The following RBBP8 variants were observed in gnomAD, a reference collection of about 807,000 sequenced individuals.
RBBP8 encodes RB binding protein 8, endonuclease, also known as DNA endonuclease RBBP8.
A neutral mutation model predicts 108.3 loss-of-function variants in RBBP8; 88 were observed. The observed-to-expected ratio is 0.81, with a 90% CI of 0.68 to 0.97. The LOEUF is 0.97. Among genes scored for constraint, RBBP8 ranks in the 50% least tolerant of loss-of-function variants. RBBP8 has a pLI of 0.00. For synonymous variants in RBBP8, 332 were observed against 348.2 expected, an observed-to-expected ratio of 0.95 and a Z score of 0.52; for missense variants, 1,023 against 1,049.0, an observed-to-expected ratio of 0.98 and a Z score of 0.34.
At chr18:22,949,240 G>A (rs1298633991) in intron 3 of RBBP8, among the ~76,000 whole-genome samples, 1 of 152,094 alleles carries the variant, frequency 6.6e-6, no homozygotes, top group Non-Finnish European at 1.5e-5. Context: ...TTAAAAGCAA[G>A]ACCAGGTAAA....
rs901794189 is a variant in RBBP8 at position 22,993,347 on chromosome 18, A to G, written c.1520A>G (p.Gln507Arg). 42 of 1,614,144 alleles carry G rather than the reference A, an allele frequency of 2.6e-5. No homozygotes were observed. The highest frequency in any genetic ancestry group is 3.1e-5 in the Non-Finnish European group (36 of 1,180,048). Residue 507 changes from glutamine to arginine, a missense_variant, in exon 11 of 19, where the codon CAA (glutamine) becomes CGA (arginine). Coordinates refer to ENST00000327155, the MANE Select transcript of RBBP8 (RefSeq NM_002894.3). ...GCTATTCAGCGTCAAGAGAAAAGCCAAGGAAGTGAGACTTCTAAAAACAAA... is the reference window on the plus strand; with the variant it reads ...GCTATTCAGCGTCAAGAGAAAAGCCGAGGAAGTGAGACTTCTAAAAACAAA... ...FSAIQRQEKS[Q>R]GSETSKNKFR...
chr18:22,959,467 A>G (rs1912880170), intron 4 of RBBP8, among the ~76,000 whole-genome samples: 1 of 152,018 alleles, frequency 6.6e-6, no homozygotes. Flanking sequence ...CTGTTAACCT[A>G]AAAACTAGCA....
chr18:22,951,407 A>G (rs1912023382), intron 4 of RBBP8, among the ~76,000 whole-genome samples: 1 of 152,246 alleles, frequency 6.6e-6, no homozygotes, highest in African/African-American at 2.4e-5. Flanking sequence ...TTCAGATTAT[A>G]AATGCTATGA....
At position 22,941,239 on chromosome 18, in the gene RBBP8, G is replaced by A. The variant is rs997224241; in HGVS notation, c.109+4279G>A. ...CAGGCTGGAGTGCAGTGGCATGATC[G>A]CAGCTCACTGCAACCTCTGCCTCCC... On this transcript the variant is annotated intron_variant, in intron 2 of 18. Coordinates refer to ENST00000327155, the MANE Select transcript of RBBP8 (RefSeq NM_002894.3). Among the ~76,000 whole-genome samples, 8 of 151,846 alleles carry A rather than the reference G, an allele frequency of 5.3e-5. No individual in the cohort carries two copies. In the East Asian group the frequency reaches 1.4e-3, roughly 26 times the overall value.
intron 16 of RBBP8, among the ~76,000 whole-genome samples, chr18:23,011,341 C>T (rs1452651505): frequency 2.6e-5 from 4 of 152,042 alleles, no homozygotes; most frequent in Non-Finnish European, 4.4e-5. Flanking sequence ...GTGCTTACTT[C>T]ATGTTTCTGT....
chr18:23,006,460 A>G (rs755377394), intron 16 of RBBP8, 28 bp downstream of exon 16: 1 of 1,513,830 alleles, frequency 6.6e-7, no homozygotes, highest in East Asian at 2.3e-5. Context: ...TATACCAGCA[A>G]TGTGACTGGA....
At chr18:22,992,461 G>T (rs1234771750) in intron 10 of RBBP8, among the ~76,000 whole-genome samples, 1 of 152,194 alleles carries the variant, frequency 6.6e-6, no homozygotes, top group Admixed American at 6.5e-5. Context: ...CTCCCAAAGT[G>T]CTGGGATTAC....
At chr18:22,938,803 G>A (rs999453684) in intron 2 of RBBP8, among the ~76,000 whole-genome samples, 4 of 152,158 alleles carry the variant, frequency 2.6e-5, no homozygotes. Flanking sequence ...CCGTAGCACT[G>A]AAATACAAAA....
At chr18:22,994,717 TTTA>T (rs548679146) in intron 12 of RBBP8, among the ~76,000 whole-genome samples, 17 of 150,806 alleles carry the variant, frequency 1.1e-4, no homozygotes, top group Middle Eastern at 3.4e-3. Context: ...TTTGCTATAT[TTTA>T]TTATTATTAT....
At chr18:22,985,093 C>T (rs1915227626) in intron 8 of RBBP8, 103 bp downstream of exon 8, 1 of 1,486,158 alleles carries the variant, frequency 6.7e-7, no homozygotes, top group South Asian at 1.3e-5. Context: ...AGGTATTTTC[C>T]ATATAATTTT....
At chr18:22,929,603 A>G (rs1351593392), upstream of RBBP8, among the ~76,000 whole-genome samples, 2 of 150,932 alleles carry the variant, frequency 1.3e-5, no homozygotes, top group Non-Finnish European at 2.9e-5. Flanking sequence ...CCTATACTGC[A>G]GTTTCTCAAA....
intron 14 of RBBP8, among the ~76,000 whole-genome samples, chr18:23,000,944 G>A (rs932153053): frequency 6.6e-6 from 1 of 152,152 alleles, no homozygotes; most frequent in Non-Finnish European, 1.5e-5. Flanking sequence ...CTCACTGAGA[G>A]TAACTGAATT....
At chr18:22,983,849 A>T (rs1915124610) in intron 7 of RBBP8, among the ~76,000 whole-genome samples, 1 of 152,276 alleles carries the variant, frequency 6.6e-6, no homozygotes, top group African/African-American at 2.4e-5. Context: ...TGGGAGGCCA[A>T]GGTGGGTGGA....
At chr18:22,996,628 C>CT (rs2045863954) in intron 13 of RBBP8, among the ~76,000 whole-genome samples, 166 bp downstream of exon 13, 1 of 152,162 alleles carries the variant, frequency 6.6e-6, no homozygotes, top group African/African-American at 2.4e-5. Context: ...ATTCTTCTAA[C>CT]TTTATGGTAT....
At chr18:22,920,924 C>A (rs1909571270) in intron 3 of RBBP8, 1 of 152,188 alleles carries the variant, frequency 6.6e-6, no homozygotes. Flanking sequence ...AACCCATTAA[C>A]ATTATCAGAA....
At position 23,026,158 on chromosome 18, in the gene RBBP8, A is replaced by AT. The variant is rs1212950538; in HGVS notation, c.2613dup (p.Leu872SerfsTer2). 6.2e-7 allele frequency: 1 copy of AT among 1,613,402 alleles called. No homozygotes were observed. Among genetic ancestry groups the AT allele is most frequent in the Non-Finnish European group, 8.5e-7 (1 of 1,179,444 alleles). On this transcript the variant is annotated frameshift_variant, in exon 19 of 19. Coordinates refer to ENST00000327155, the MANE Select transcript of RBBP8 (RefSeq NM_002894.3). LOFTEE classifies it high-confidence loss of function. The stretch of plus-strand genomic sequence containing the variant: ...TGTTTTTAAGGTTATATTAAGGAAG[A>AT]TCTTGATCCTTGTCCTCGTCCAAAA...
At chr18:22,985,117 G>T in intron 8 of RBBP8, 127 bp downstream of exon 8, 1 of 1,266,428 alleles carries the variant, frequency 7.9e-7, no homozygotes, top group Non-Finnish European at 1.1e-6. Flanking sequence ...TATATTACTA[G>T]TTTACTATCT....
chr18:23,017,819 T>G (rs1303842652), intron 17 of RBBP8, among the ~76,000 whole-genome samples: 1 of 140,288 alleles, frequency 7.1e-6, no homozygotes, highest in African/African-American at 2.7e-5. Context: ...TGATCTTGGC[T>G]CACTGCAATC....
At chr18:22,976,903 T>G (rs1160399444) in intron 6 of RBBP8, among the ~76,000 whole-genome samples, 1 of 152,144 alleles carries the variant, frequency 6.6e-6, no homozygotes, top group African/African-American at 2.4e-5. Context: ...GGTAGAAATA[T>G]GAATTCTAAT....
Sources: gnomAD v4.1 joint callset for allele counts (sites outside exome capture counted in the v4.1 genomes callset) on GRCh38, gnomAD v4.1.1 for gene constraint, MANE v1.5 for transcripts, NCBI Gene and HGNC (gene_info 2026-07-23, HGNC 2026-07-21) for gene names.